Variants in STK40 observed in about 807,000 individuals in gnomAD.
STK40 encodes the protein serine/threonine-protein kinase 40.
In STK40, 13 loss-of-function variants were observed where a neutral mutation model predicts 47.9. That is an observed-to-expected ratio of 0.27 (90% CI 0.18 to 0.43). The LOEUF (loss-of-function observed/expected upper bound fraction) is 0.43. Among genes scored for constraint, STK40 ranks in the 20% least tolerant of loss-of-function variants. STK40 has a pLI of 1.00. For missense variants in STK40, 460 were observed against 595.1 expected (o/e 0.77, Z 2.36); for synonymous variants, 225 against 243.2 (o/e 0.93, Z 0.69).
At chr1:36,350,532 A>G (rs1474845454) in intron 6 of STK40, among the ~76,000 whole-genome samples, 1 of 152,134 alleles carries the variant, frequency 6.6e-6, no homozygotes, top group East Asian at 1.9e-4. Context: ...GCTAAACCTC[A>G]ATTTCCTCAT....
chr1:36,341,672 C>G lies in STK40; in HGVS notation c.*83G>C, dbSNP rs1334622419. 6.5e-7 allele frequency: 1 copy of G among 1,541,164 alleles called. No individual in the cohort carries two copies. Among genetic ancestry groups the G allele is most frequent in the East Asian group, 2.3e-5 (1 of 44,218 alleles). ...TATTGTGGCCCGGGAGAGTCCAGCA[C>G]TACAGGGCCCAGCCCTGACAGCCAC... On this transcript the variant is annotated 3_prime_UTR_variant, in exon 11 of 11. Coordinates refer to ENST00000373132, the MANE Select transcript of STK40 (RefSeq NM_001282547.2).
At chr1:36,378,294 T>C (rs2124752659) in intron 1 of STK40, among the ~76,000 whole-genome samples, 1 of 152,208 alleles carries the variant, frequency 6.6e-6, no homozygotes, top group East Asian at 1.9e-4. Context: ...GTCACACAAA[T>C]GTGAGTTGGA....
At chr1:36,355,545 AT>A in intron 4 of STK40, 112 bp from the exon 5 acceptor site, 1 of 1,155,500 alleles carries the variant, frequency 8.7e-7, no homozygotes, top group Non-Finnish European at 1.3e-6. Flanking sequence ...GGAGCCTGGA[AT>A]TAGCCTGCAT....
intron 1 of STK40, among the ~76,000 whole-genome samples, chr1:36,369,521 A>G (rs1290447832): frequency 1.3e-5 from 2 of 152,106 alleles, no homozygotes; most frequent in African/African-American, 2.4e-5. Flanking sequence ...CAAATGACAC[A>G]ATCCCGAGTA....
chr1:36,382,511 C>G (rs1367521576), intron 1 of STK40, among the ~76,000 whole-genome samples: 1 of 152,150 alleles, frequency 6.6e-6, no homozygotes, highest in Non-Finnish European at 1.5e-5. Flanking sequence ...CTATTTTTTT[C>G]TCAGCAGTCC....
chr1:36,354,579 C>A (rs537505039), intron 5 of STK40, among the ~76,000 whole-genome samples, 163 bp from the exon 6 acceptor site: 1 of 152,152 alleles, frequency 6.6e-6, no homozygotes, highest in Non-Finnish European at 1.5e-5. Context: ...GTTCTAAGTT[C>A]GCGTGACCTG....
intron 1 of STK40, among the ~76,000 whole-genome samples, chr1:36,374,184 C>T (rs930805124): frequency 1.3e-5 from 2 of 152,262 alleles, no homozygotes; most frequent in African/African-American, 4.8e-5. Context: ...GTTAGCCCCA[C>T]ATAAGGAGAC....
intron 2 of STK40, 92 bp from the exon 3 acceptor site, chr1:36,358,914 C>T: frequency 1.4e-6 from 2 of 1,404,540 alleles, no homozygotes; most frequent in Non-Finnish European, 2.0e-6. Flanking sequence ...ACCTTCTATT[C>T]AGGAGGGCAC....
chr1:36,369,239 T>G (rs1646925481), intron 1 of STK40, among the ~76,000 whole-genome samples: 1 of 151,880 alleles, frequency 6.6e-6, no homozygotes, highest in African/African-American at 2.4e-5. Context: ...CTTCACAGGG[T>G]TTTTCTGCAC....
At chr1:36,368,853 T>C (rs1470208249) in intron 1 of STK40, among the ~76,000 whole-genome samples, 2 of 152,260 alleles carry the variant, frequency 1.3e-5, no homozygotes, top group African/African-American at 2.4e-5. Flanking sequence ...ACTTGCAAAT[T>C]GCATTGTGGT....
At chr1:36,358,426 C>A in intron 3 of STK40, 44 bp from the exon 4 acceptor site, 1 of 1,567,056 alleles carries the variant, frequency 6.4e-7, no homozygotes, top group Non-Finnish European at 8.7e-7. Context: ...GAACACCTCA[C>A]TTTACACAGC....
intron 1 of STK40, among the ~76,000 whole-genome samples, chr1:36,369,618 A>G (rs1335117274): frequency 6.6e-6 from 1 of 152,204 alleles, no homozygotes; most frequent in Non-Finnish European, 1.5e-5. Flanking sequence ...CCTGCTGCAG[A>G]AAGTCTTCAC....
intron 1 of STK40, among the ~76,000 whole-genome samples, chr1:36,377,226 C>T (rs1295958744): frequency 6.6e-6 from 1 of 151,694 alleles, no homozygotes; most frequent in Non-Finnish European, 1.5e-5. Context: ...TTTTCTGAAC[C>T]CATTAGAATT....
At chr1:36,358,039 C>T (rs1646820050) in intron 4 of STK40, among the ~76,000 whole-genome samples, 200 bp downstream of exon 4, 1 of 152,208 alleles carries the variant, frequency 6.6e-6, no homozygotes, top group Non-Finnish European at 1.5e-5. Flanking sequence ...TATAACCATC[C>T]CCACAGGAGC....
rs543164020 is a variant in STK40, at chr1:36,383,388, C to T, written c.-9+2335G>A. On this transcript the variant is annotated intron_variant, in intron 1 of 10. Coordinates refer to ENST00000373132, the MANE Select transcript of STK40 (RefSeq NM_001282547.2). Reference sequence around the variant, plus strand: ...CAGCTGCTCAAGCAACCTACAATCCCAGGAAGAGAGGGGCACATGTGCCAG... The same window carrying T: ...CAGCTGCTCAAGCAACCTACAATCCTAGGAAGAGAGGGGCACATGTGCCAG... Among the ~76,000 whole-genome samples the T allele has an allele frequency of 2.0e-5, 3 of 152,374 alleles. No homozygotes were observed. In the East Asian group the frequency reaches 5.8e-4, roughly 29 times the overall value.
At chr1:36,376,903 G>A (rs1466508345) in intron 1 of STK40, among the ~76,000 whole-genome samples, 1 of 151,480 alleles carries the variant, frequency 6.6e-6, no homozygotes, top group Non-Finnish European at 1.5e-5. Flanking sequence ...AGCCTCCCGA[G>A]TAGCTGGGAT....
chr1:36,345,991 A>ATATTTTTTTTTTTTT lies in STK40; in HGVS notation c.740-1728_740-1727insAAAAAAAAAAAAATA. Among the ~76,000 whole-genome samples the ATATTTTTTTTTTTTT allele has an allele frequency of 5.6e-3, 148 of 26,458 alleles. 8 individuals carry two copies. Among genetic ancestry groups the ATATTTTTTTTTTTTT allele is most frequent in the Non-Finnish European group, 8.4e-3 (121 of 14,420 alleles). 17.4% of individuals were successfully genotyped at this position (26,458 alleles called of 152,430 possible). A position where few individuals can be genotyped will look rare whatever the true frequency, so the allele number is the denominator to read the frequency against. On this transcript the variant is annotated intron_variant, in intron 7 of 10. Transcript: ENST00000373132. The stretch of plus-strand genomic sequence containing the variant: ...TACATATATATATATATATATATAT[A>ATATTTTTTTTTTTTT]TTTTTTTTTTTTTTTTTTCCTGAGA...
chr1:36,374,289 T>C (rs1243937360), intron 1 of STK40, among the ~76,000 whole-genome samples: 1 of 152,240 alleles, frequency 6.6e-6, no homozygotes, highest in Non-Finnish European at 1.5e-5. Flanking sequence ...AAAGAAAGCC[T>C]AGAAGCTAAA....
chr1:36,369,183 T>C (rs1646925052), intron 1 of STK40, among the ~76,000 whole-genome samples: 1 of 152,206 alleles, frequency 6.6e-6, no homozygotes. Context: ...GGGGCCTCCA[T>C]GCAATCTCCA....
Sources: allele counts gnomAD v4.1 joint callset (sites outside exome capture counted in the v4.1 genomes callset), GRCh38; gene constraint gnomAD v4.1.1; transcripts MANE v1.5; gene names NCBI Gene and HGNC (gene_info 2026-07-23, HGNC 2026-07-21).